Variants in PDCD11 observed in about 807,000 individuals in gnomAD.
The protein encoded by PDCD11 is programmed cell death 11.
A neutral mutation model predicts 198.9 loss-of-function variants in PDCD11; 97 were observed. That is an observed-to-expected ratio of 0.49 (90% CI 0.41 to 0.58). The LOEUF (loss-of-function observed/expected upper bound fraction) is 0.58. PDCD11 is among the 20% of genes least tolerant of loss of function. PDCD11 has a pLI of 0.00. For synonymous variants in PDCD11, 893 were observed against 918.0 expected (o/e 0.97, Z 0.49); for missense variants, 2,102 against 2,312.7 (o/e 0.91, Z 1.87).
At chr10:103,415,244 T>C (rs2031040854) in intron 12 of PDCD11, 93 bp downstream of exon 12, 1 of 1,259,780 alleles carries the variant, frequency 7.9e-7, no homozygotes, top group Admixed American at 1.9e-5. Context: ...AAAGTGAGTG[T>C]GTAATGTCTG....
rs370191506 is a variant in PDCD11, at chr10:103,444,528, A to T, written c.5290A>T (p.Ile1764Phe). Residue 1764 changes from isoleucine to phenylalanine, a missense_variant, in exon 35 of 36, where the codon ATT (isoleucine) becomes TTT (phenylalanine). Coordinates refer to ENST00000369797, the MANE Select transcript of PDCD11 (RefSeq NM_014976.2). ...TCCTCTCCCTGCAGATGTGGATGTC[A>T]TTGCCAAGTTTGCCCAGCTTGAGTT... ...CLPSKEHVDV[I>F]AKFAQLEFQL... is the part of the protein sequence containing the mutation. 5.0e-6 allele frequency: 8 copies of T among 1,614,142 alleles called. No homozygotes were observed. The highest frequency in any genetic ancestry group is 6.8e-6 in the Non-Finnish European group (8 of 1,180,014).
Position 103,416,674 on chromosome 10 carries a change from C to G in PDCD11, c.1702C>G (p.Leu568Val). Residue 568 changes from leucine (L) to valine (V), a missense_variant, in exon 13 of 36, where the codon CTG becomes GTG. Leu to Val is a conservative substitution (Grantham distance 32, BLOSUM62 1). Transcript: ENST00000369797. The part of the protein sequence containing the change: ...IVKFYNNVQG[L>V]VPKHELSTEY... ...GAAGTTCTACAACAATGTGCAGGGA[C>G]TGGTGCCCAAGCATGAGCTCAGTAC... is the stretch of plus-strand genomic sequence containing the variant. The G allele has an allele frequency of 6.2e-7, 1 of 1,614,232 alleles. No homozygotes were observed. Among genetic ancestry groups the G allele is most frequent in the South Asian group, 1.1e-5 (1 of 91,090 alleles).
chr10:103,437,186 G>C (rs1239584154), intron 25 of PDCD11, among the ~76,000 whole-genome samples: 1 of 152,180 alleles, frequency 6.6e-6, no homozygotes, highest in Non-Finnish European at 1.5e-5. Context: ...TAGTTGCCCA[G>C]GCTAGAGGGC....
intron 15 of PDCD11, among the ~76,000 whole-genome samples, chr10:103,418,835 A>C (rs553357265): frequency 3.9e-5 from 6 of 152,258 alleles, no homozygotes; most frequent in Non-Finnish European, 5.9e-5. Flanking sequence ...AGGGCGGAGT[A>C]GCCTGAAAGG....
intron 21 of PDCD11, among the ~76,000 whole-genome samples, chr10:103,428,520 CCT>C (rs2031796270): frequency 6.6e-6 from 1 of 151,986 alleles, no homozygotes; most frequent in Non-Finnish European, 1.5e-5. Context: ...AATGAAGAAA[CCT>C]CTTCATATTA....
At chr10:103,427,517 T>C in intron 21 of PDCD11, 126 bp downstream of exon 21, 2 of 744,416 alleles carry the variant, frequency 2.7e-6, no homozygotes, top group South Asian at 1.8e-5. Flanking sequence ...GTCCAAGTTT[T>C]CTTGTTTCTC....
At chr10:103,404,753 A>G (rs1220325229) in intron 4 of PDCD11, among the ~76,000 whole-genome samples, 3 of 152,212 alleles carry the variant, frequency 2.0e-5, no homozygotes, top group Non-Finnish European at 4.4e-5. Context: ...TGAGTAAGGG[A>G]TGAAGTAGAG....
intron 4 of PDCD11, among the ~76,000 whole-genome samples, chr10:103,403,949 A>G (rs370880071): frequency 2.5e-4 from 38 of 152,278 alleles, no homozygotes; most frequent in African/African-American, 7.9e-4. Context: ...ACATCCTGAG[A>G]TAGGAAACCC....
chr10:103,424,947 T>C (rs780556490), intron 19 of PDCD11, 37 bp from the exon 20 acceptor site: 1 of 1,605,220 alleles, frequency 6.2e-7, no homozygotes, highest in South Asian at 1.1e-5. Context: ...CCATGCTGTG[T>C]AAGGAAAGCA....
chr10:103,445,361 C>CTT lies in PDCD11; in HGVS notation c.5445-16_5445-15insTT, dbSNP rs1010660986. 1 of 1,613,712 alleles carries CTT rather than the reference C, an allele frequency of 6.2e-7. No homozygotes were observed. The highest frequency in any genetic ancestry group is 1.3e-5 in the African/African-American group (1 of 75,044). On this transcript the variant is annotated splice_polypyrimidine_tract_variant and intron_variant, in intron 35 of 35. Coordinates refer to ENST00000369797, the MANE Select transcript of PDCD11 (RefSeq NM_014976.2). Reference sequence around the variant, plus strand: ...CTGGGACTGACAGGCAAATGCCACTCTGCTTTTCCTCAACAGGGACATCTT... The same window carrying CTT: ...CTGGGACTGACAGGCAAATGCCACTCTTTGCTTTTCCTCAACAGGGACATCTT...
intron 21 of PDCD11, among the ~76,000 whole-genome samples, chr10:103,429,631 G>A (rs1055919890): frequency 3.3e-5 from 5 of 151,970 alleles, no homozygotes; most frequent in African/African-American, 1.2e-4. Context: ...AAAAATTACT[G>A]TAATTTTTAA....
intron 33 of PDCD11, among the ~76,000 whole-genome samples, 171 bp downstream of exon 33, chr10:103,443,504 G>T (rs2032476263): frequency 6.6e-6 from 1 of 152,152 alleles, no homozygotes; most frequent in Non-Finnish European, 1.5e-5. Context: ...TCTTCTTCAG[G>T]CCTGTGGGGT....
intron 21 of PDCD11, among the ~76,000 whole-genome samples, chr10:103,430,794 C>T (rs2031899563): frequency 6.6e-6 from 1 of 151,646 alleles, no homozygotes. Flanking sequence ...TACTCAAGTC[C>T]TTTTGCTCTC....
chr10:103,409,247 G>A (rs552849227), intron 7 of PDCD11, among the ~76,000 whole-genome samples: 9 of 151,748 alleles, frequency 5.9e-5, no homozygotes, highest in South Asian at 2.1e-4. Context: ...GTTACTTTTC[G>A]CTTTTTGGTG....
At chr10:103,441,998 T>C in intron 31 of PDCD11, 23 bp downstream of exon 31, 1 of 1,613,238 alleles carries the variant, frequency 6.2e-7, no homozygotes, top group East Asian at 2.2e-5. Flanking sequence ...GCAGGGCATG[T>C]CCTTTTTGCA....
chr10:103,402,646 C>G (rs988644007), intron 3 of PDCD11, among the ~76,000 whole-genome samples: 18 of 152,062 alleles, frequency 1.2e-4, no homozygotes, highest in African/African-American at 4.1e-4. Flanking sequence ...GCCGTGTTGG[C>G]CAGGCTGCTC....
Position 103,414,042 on chromosome 10 carries a change from T to TTTCCC in PDCD11, c.1263_1264insTCCCT (p.Ile422SerfsTer37). The TTTCCC allele has an allele frequency of 6.2e-7, 1 of 1,613,600 alleles. No individual in the cohort carries two copies. The highest frequency in any genetic ancestry group is 8.5e-7 in the Non-Finnish European group (1 of 1,179,830). On this transcript the variant is annotated frameshift_variant, in exon 10 of 36. Coordinates refer to ENST00000369797, the MANE Select transcript of PDCD11 (RefSeq NM_014976.2). LOFTEE classifies it high-confidence loss of function. Reference sequence around the variant, plus strand: ...CCAGGGAACACTCACAAGTGTAGAATTATTGACTACAGCCAAATGGATGAA... The same window carrying TTTCCC: ...CCAGGGAACACTCACAAGTGTAGAATTTCCCTATTGACTACAGCCAAATGGATGAA...
Position 103,444,583 on chromosome 10 carries a change from C to A in PDCD11, c.5345C>A (p.Ala1782Asp), listed in dbSNP as rs1210839193. 1 of 1,614,046 alleles carries A rather than the reference C, an allele frequency of 6.2e-7. No homozygotes were observed. The highest frequency in any genetic ancestry group is 1.3e-5 in the African/African-American group (1 of 74,936). ...FQLGDAERAKAIFENTLSTYP... is the reference protein window; with the variant it reads ...FQLGDAERAKDIFENTLSTYP... ...CTGGGGGATGCAGAGCGGGCCAAAG[C>A]CATTTTTGAGAACACGCTGAGCACC... is the stretch of plus-strand genomic sequence containing the variant. Residue 1782 changes from alanine to aspartate, a missense_variant, in exon 35 of 36, where the codon GCC becomes GAC. Transcript: ENST00000369797.
At chr10:103,401,428 G>A (rs1037598547) in intron 3 of PDCD11, among the ~76,000 whole-genome samples, 1 of 150,788 alleles carries the variant, frequency 6.6e-6, no homozygotes, top group African/African-American at 2.4e-5. Context: ...GTCTCACCAC[G>A]CCTGGCTAAT....
Sources: allele counts gnomAD v4.1 joint callset (sites outside exome capture counted in the v4.1 genomes callset), GRCh38; gene constraint gnomAD v4.1.1; transcripts MANE v1.5; gene names NCBI Gene and HGNC (gene_info 2026-07-23, HGNC 2026-07-21).